IHO1: variants seen among roughly 807,000 people sequenced by gnomAD.
The protein encoded by IHO1 is interactor of HORMAD1 1.
Under a neutral mutation model 31.0 loss-of-function variants are expected in IHO1, and 13 were observed. That is an observed-to-expected ratio of 0.42 (90% CI 0.27 to 0.67). The LOEUF (loss-of-function observed/expected upper bound fraction) is 0.67, where lower values mean the gene tolerates loss of function less well. Ranked by LOEUF, IHO1 falls within the 30% of genes least tolerant of loss-of-function variation. The pLI, the probability that IHO1 is intolerant of heterozygous loss-of-function variation, is 0.24. For missense variants in IHO1, 599 were observed against 687.5 expected (o/e 0.87, Z 1.44); for synonymous variants, 221 against 248.4 (o/e 0.89, Z 1.04).
chr3:49,191,976 AAC>A, the IHO1 span: 272 of 605,598 alleles, frequency 4.5e-4, 1 homozygote, highest in South Asian at 5.3e-3. Context: ...CTGTGAGAAA[AAC>A]CTGCCCCTTG....
chr3:49,238,428 G>A (rs9837396), intron 3 of IHO1, among the ~76,000 whole-genome samples: 8,740 of 152,140 alleles, frequency 0.057, 844 homozygotes, highest in African/African-American at 0.2. Context: ...GGTGTGCACC[G>A]GCTCAGCGGA....
At position 49,233,899 on chromosome 3, in the gene IHO1, C is replaced by G. The variant is rs952852900; in HGVS notation, c.57-2649C>G. On this transcript the variant is annotated intron_variant, in intron 2 of 7. Coordinates refer to ENST00000452691, the MANE Select transcript of IHO1 (RefSeq NM_001135197.2). The stretch of plus-strand genomic sequence containing the variant: ...CCTAAACCACAAACAATAGCATGAG[C>G]AATCCGTACCTTAAGGACATGTTCC... Among the ~76,000 whole-genome samples, 3 of 152,192 alleles carry G rather than the reference C, an allele frequency of 2.0e-5. No homozygotes were observed. In the South Asian group the frequency reaches 6.2e-4, roughly 32 times the overall value.
intron 2 of IHO1, among the ~76,000 whole-genome samples, chr3:49,236,095 G>T (rs1345388321): frequency 1.3e-5 from 2 of 152,090 alleles, no homozygotes; most frequent in East Asian, 3.8e-4. Flanking sequence ...ACAAAAATTA[G>T]CCTGGTGTGG....
Position 49,256,260 on chromosome 3 carries a change from G to A in IHO1, c.763G>A (p.Ala255Thr), listed in dbSNP as rs760432297. 2 of 1,614,182 alleles carry A rather than the reference G, an allele frequency of 1.2e-6. No individual in the cohort carries two copies. Among genetic ancestry groups the A allele is most frequent in the South Asian group, 2.2e-5 (2 of 91,088 alleles). ...LGQLNVPSVL[A>T]ELKRLISVPP... ...CCAGCTGAATGTGCCCAGTGTCCTA[G>A]CAGAGCTGAAGAGATTGATCTCAGT... The change falls in exon 8 of 8, where the codon GCA (alanine) becomes ACA (threonine). Residue 255 changes from alanine to threonine, a missense_variant. By Grantham distance (58) the Ala-to-Thr change is moderately conservative (BLOSUM62 0). Coordinates refer to ENST00000452691, the MANE Select transcript of IHO1 (RefSeq NM_001135197.2). This position sits in a 1 kb window ranked among gnomAD's most constrained non-coding sequence, Gnocchi z 4.6.
chr3:49,243,418 T>G (rs1250126300), intron 4 of IHO1, among the ~76,000 whole-genome samples: 1 of 151,914 alleles, frequency 6.6e-6, no homozygotes, highest in Non-Finnish European at 1.5e-5. Flanking sequence ...GTGATGGGAT[T>G]ACAGGTGTAA....
At chr3:49,205,796 G>T (rs1382109195) in intron 1 of IHO1, among the ~76,000 whole-genome samples, 1 of 144,148 alleles carries the variant, frequency 6.9e-6, no homozygotes, top group Non-Finnish European at 1.5e-5. Context: ...GTGAGATGGG[G>T]TCTTGCTCTG....
the IHO1 span, chr3:49,191,823 G>C: frequency 6.6e-7 from 1 of 1,516,946 alleles, no homozygotes; most frequent in Non-Finnish European, 8.9e-7. Flanking sequence ...CTTTTGGAGG[G>C]TATCTTCAGG....
At chr3:49,205,541 G>A (rs184338801) in intron 1 of IHO1, among the ~76,000 whole-genome samples, 1 of 151,506 alleles carries the variant, frequency 6.6e-6, no homozygotes, top group East Asian at 1.9e-4. Flanking sequence ...GGCTGGTCTC[G>A]AATTGCTGAC....
In IHO1 at chr3:49,211,948, A is replaced by G. The variant is rs9867285; in HGVS notation, c.56+112A>G. On this transcript the variant is annotated intron_variant, in intron 2 of 7. Coordinates refer to ENST00000452691, the MANE Select transcript of IHO1 (RefSeq NM_001135197.2). ...GAGGCCAAGGTGGGCAGATCACAAGATCAGGAGATCAGGACCATCCTGGCT... is the reference window on the plus strand; with the variant it reads ...GAGGCCAAGGTGGGCAGATCACAAGGTCAGGAGATCAGGACCATCCTGGCT... The G allele has an allele frequency of 0.79, 514,343 of 653,492 alleles. 204,906 individuals are homozygous for G. The highest frequency in any genetic ancestry group is 1 in the East Asian group (33,666 of 33,762). 40.5% of individuals were successfully genotyped at this position (653,492 alleles called of 1,614,324 possible).
chr3:49,205,044 C>A (rs1197043394), intron 1 of IHO1, among the ~76,000 whole-genome samples: 1 of 150,934 alleles, frequency 6.6e-6, no homozygotes, highest in African/African-American at 2.4e-5. Flanking sequence ...AAAAAAAGAA[C>A]GAAAGGAATG....
upstream of IHO1, among the ~76,000 whole-genome samples, chr3:49,193,618 C>T (rs1028414034): frequency 8.4e-6 from 1 of 119,488 alleles, no homozygotes; most frequent in Non-Finnish European, 1.6e-5. Context: ...GAGATCACAC[C>T]ATTGCACTCC....
In IHO1 at chr3:49,220,553, C is replaced by T. The variant is rs1315398162; in HGVS notation, c.56+8717C>T. On this transcript the variant is annotated intron_variant, in intron 2 of 7. Transcript: ENST00000452691. ...GGAGTGAAGCCATGGATCTTTGTGG[C>T]GAGTGTCACAGCTCTTAAAGGTGGT... Among the ~76,000 whole-genome samples the T allele has an allele frequency of 1.1e-4, 16 of 152,124 alleles. No homozygotes were observed. The South Asian group carries it at 1.9e-3, about 18-fold the overall frequency.
intron 2 of IHO1, among the ~76,000 whole-genome samples, chr3:49,218,622 C>T (rs571180738): frequency 1.3e-5 from 2 of 152,134 alleles, no homozygotes; most frequent in African/African-American, 2.4e-5. Context: ...CCTTATGATC[C>T]GCCCACCTTG....
Position 49,246,633 on chromosome 3 carries a change from G to C in IHO1, c.532+1900G>C, listed in dbSNP as rs117059675. ...ACTGTACTCCAGCCTGAACAACAGAGTGAAACTCCCTGTATCAAATAATAA... is the reference window on the plus strand; with the variant it reads ...ACTGTACTCCAGCCTGAACAACAGACTGAAACTCCCTGTATCAAATAATAA... On this transcript the variant is annotated intron_variant, in intron 6 of 7. Transcript: ENST00000452691. Among the ~76,000 whole-genome samples, 193 of 152,082 alleles carry C rather than the reference G, an allele frequency of 1.3e-3. 6 individuals are homozygous for C. The East Asian group carries it at 0.036, about 28-fold the overall frequency.
At chr3:49,217,809 T>G (rs1308468888) in intron 2 of IHO1, among the ~76,000 whole-genome samples, 1 of 152,166 alleles carries the variant, frequency 6.6e-6, no homozygotes, top group Admixed American at 6.6e-5. Flanking sequence ...CTAGATCCCT[T>G]GCATGTGCAG....
Position 49,255,403 on chromosome 3 carries a change from A to ACAGG in IHO1, c.548_551dup (p.Gln185GlyfsTer4), listed in dbSNP as rs2046810431. ...TTTTGTATTTAGTACAAGAGACTAT[A>ACAGG]CAGGCCCAGAATGACCTGGTGTTTG... On this transcript the variant is annotated frameshift_variant, in exon 7 of 8. Transcript: ENST00000452691. LOFTEE classifies it high-confidence loss of function. The ACAGG allele has an allele frequency of 1.2e-6, 2 of 1,601,602 alleles. No homozygotes were observed. Among genetic ancestry groups the ACAGG allele is most frequent in the Non-Finnish European group, 1.7e-6 (2 of 1,176,566 alleles).
chr3:49,195,550 T>C (rs2045991856), upstream of IHO1, among the ~76,000 whole-genome samples: 1 of 149,862 alleles, frequency 6.7e-6, no homozygotes, highest in Non-Finnish European at 1.5e-5. Context: ...ACCCCGTCTC[T>C]ACTTGACAAA....
At chr3:49,255,554 G>T (rs1251164050) in intron 7 of IHO1, 61 bp downstream of exon 7, 336 of 604,744 alleles carry the variant, frequency 5.6e-4, no homozygotes, top group Non-Finnish European at 7.3e-4. Flanking sequence ...GACCCAGAGA[G>T]AAACTTTTTT....
At chr3:49,249,833 T>TTTG (rs2046739366) in intron 6 of IHO1, among the ~76,000 whole-genome samples, 1 of 152,198 alleles carries the variant, frequency 6.6e-6, no homozygotes, top group African/African-American at 2.4e-5. Flanking sequence ...TGCCAGATCT[T>TTTG]TTGTTAGGCT....
Sources: allele counts gnomAD v4.1 joint callset (sites outside exome capture counted in the v4.1 genomes callset), GRCh38; gene constraint gnomAD v4.1.1; non-coding constraint Gnocchi (gnomAD v3.1); transcripts MANE v1.5; gene names NCBI Gene and HGNC (gene_info 2026-07-23, HGNC 2026-07-21).